ZFAND3: variants seen among roughly 807,000 people sequenced by gnomAD.
ZFAND3 encodes zinc finger AN1-type containing 3.
In ZFAND3, 10 loss-of-function variants were observed where a neutral mutation model predicts 29.6. That is an observed-to-expected ratio of 0.34 (90% CI 0.21 to 0.57). ZFAND3 has a LOEUF of 0.57. ZFAND3 is among the 20% of genes least tolerant of loss of function. The probability of loss-of-function intolerance (pLI) is 0.86; values close to 1 mark genes in which losing one functional copy is unlikely to be tolerated. For missense variants in ZFAND3, 230 were observed against 304.5 expected (o/e 0.76, Z 1.82); for synonymous variants, 128 against 112.6 (o/e 1.14, Z -0.87).
intron 2 of ZFAND3, among the ~76,000 whole-genome samples, chr6:37,942,035 T>C (rs1445799949): frequency 6.6e-6 from 1 of 152,182 alleles, no homozygotes; most frequent in African/African-American, 2.4e-5. Flanking sequence ...ATTTGTACAT[T>C]TCGATGCCGT....
chr6:38,001,258 C>T (rs1478108732), intron 2 of ZFAND3, among the ~76,000 whole-genome samples: 1 of 152,144 alleles, frequency 6.6e-6, no homozygotes, highest in Admixed American at 6.6e-5. Flanking sequence ...GAATAATAAT[C>T]CCCTAGAAAC....
At chr6:37,981,553 T>C (rs1301104936) in intron 2 of ZFAND3, among the ~76,000 whole-genome samples, 1 of 152,178 alleles carries the variant, frequency 6.6e-6, no homozygotes, top group Non-Finnish European at 1.5e-5. Context: ...GGGAGGATCA[T>C]GGAATTCTCA....
intron 2 of ZFAND3, among the ~76,000 whole-genome samples, chr6:37,944,270 C>T (rs918960374): frequency 3.9e-5 from 6 of 152,148 alleles, no homozygotes; most frequent in Admixed American, 2.0e-4. Flanking sequence ...TCCAAAAACA[C>T]TATCTGCATC....
chr6:38,004,360 T>G (rs1763005793), intron 2 of ZFAND3, among the ~76,000 whole-genome samples: 1 of 152,262 alleles, frequency 6.6e-6, no homozygotes, highest in East Asian at 1.9e-4. Context: ...GGTGATACCG[T>G]CAGTGTTCCT....
At position 37,837,066 on chromosome 6, in the gene ZFAND3, C is replaced by T. The variant is rs928359938; in HGVS notation, c.71+17050C>T. Among the ~76,000 whole-genome samples, 100 of 152,088 alleles carry T rather than the reference C, an allele frequency of 6.6e-4. 1 individual carries two copies. Among genetic ancestry groups the T allele is most frequent in the African/African-American group, 2.4e-3 (98 of 41,392 alleles). On this transcript the variant is annotated intron_variant, in intron 1 of 5. Coordinates refer to ENST00000287218, the MANE Select transcript of ZFAND3 (RefSeq NM_021943.3). ...AGATACTAATACTCAGATTCCATGTCTCTCCCCCTCCCCCGTATAGGTTGA... is the reference window on the plus strand; with the variant it reads ...AGATACTAATACTCAGATTCCATGTTTCTCCCCCTCCCCCGTATAGGTTGA...
intron 2 of ZFAND3, among the ~76,000 whole-genome samples, chr6:38,032,108 C>T (rs902040461): frequency 6.6e-6 from 1 of 152,102 alleles, no homozygotes. Context: ...TCTGGAATTA[C>T]AAGCGTGAGC....
At chr6:38,032,782 CT>C (rs2127452423) in intron 2 of ZFAND3, among the ~76,000 whole-genome samples, 1 of 152,292 alleles carries the variant, frequency 6.6e-6, no homozygotes, top group East Asian at 1.9e-4. Flanking sequence ...CATGTCTTAT[CT>C]TACCATGAAC....
At chr6:37,982,685 G>T (rs192311281) in intron 2 of ZFAND3, among the ~76,000 whole-genome samples, 127 of 152,280 alleles carry the variant, frequency 8.3e-4, no homozygotes, top group South Asian at 2.7e-3. Flanking sequence ...GACAAGAAAT[G>T]ACTATGTTAC....
intron 1 of ZFAND3, among the ~76,000 whole-genome samples, chr6:37,836,758 A>G (rs1763975573): frequency 6.6e-6 from 1 of 152,122 alleles, no homozygotes; most frequent in East Asian, 1.9e-4. Flanking sequence ...TTCTATTAAC[A>G]CTTCCAATAA....
chr6:37,825,243 A>G (rs2127364856), intron 1 of ZFAND3, among the ~76,000 whole-genome samples: 1 of 152,338 alleles, frequency 6.6e-6, no homozygotes, highest in Middle Eastern at 3.4e-3. Context: ...TGAACACAGT[A>G]TGAATTACTA....
intron 2 of ZFAND3, among the ~76,000 whole-genome samples, chr6:38,043,270 C>T (rs1251388283): frequency 2.6e-5 from 4 of 151,400 alleles, no homozygotes; most frequent in Non-Finnish European, 5.9e-5. Flanking sequence ...TGTGAGCCAC[C>T]ATGCCCAGCC....
At chr6:37,967,046 G>A (rs1386380985) in intron 2 of ZFAND3, among the ~76,000 whole-genome samples, 1 of 152,194 alleles carries the variant, frequency 6.6e-6, no homozygotes, top group African/African-American at 2.4e-5. Context: ...CAGTTTGACT[G>A]ATGACTAATG....
At chr6:38,043,450 C>G (rs1017359033) in intron 2 of ZFAND3, among the ~76,000 whole-genome samples, 1 of 149,254 alleles carries the variant, frequency 6.7e-6, no homozygotes, top group African/African-American at 2.5e-5. Flanking sequence ...ATCCCCTCCC[C>G]GTCTCTTCTC....
intron 4 of ZFAND3, among the ~76,000 whole-genome samples, chr6:38,103,372 A>G (rs1351236455): frequency 6.7e-6 from 1 of 149,236 alleles, no homozygotes; most frequent in Non-Finnish European, 1.5e-5. Context: ...ATATATACAC[A>G]CAATATATAT....
intron 1 of ZFAND3, among the ~76,000 whole-genome samples, chr6:37,839,073 T>TA (rs1223469737): frequency 6.6e-6 from 1 of 152,252 alleles, no homozygotes; most frequent in Non-Finnish European, 1.5e-5. Context: ...TTGAGTATCA[T>TA]TAAATATGCC....
At chr6:37,829,761 A>C (rs1027816203) in intron 1 of ZFAND3, among the ~76,000 whole-genome samples, 1 of 152,204 alleles carries the variant, frequency 6.6e-6, no homozygotes, top group African/African-American at 2.4e-5. Flanking sequence ...ATATGTGCTT[A>C]AAACCGTGCA....
At chr6:37,929,890 T>C (rs754225871) in intron 1 of ZFAND3, 69 bp from the exon 2 acceptor site, 447 of 1,451,762 alleles carry the variant, frequency 3.1e-4, no homozygotes, top group Non-Finnish European at 3.9e-4. Flanking sequence ...TTCTGACATC[T>C]TATGTTTTGA....
At position 38,154,038 on chromosome 6, in the gene ZFAND3, ACCCGCTGCAAAATC is replaced by A. The variant is rs1198566138; in HGVS notation, c.*1653_*1666del. ...CCCACCCTCCACCCACCAGAGTGGA[ACCCGCTGCAAAATC>A]CCCAGCCTTAATTCTTGCTTCAGGA... On this transcript the variant is annotated 3_prime_UTR_variant, in exon 6 of 6. Transcript: ENST00000287218. 1 of 985,404 alleles carries A rather than the reference ACCCGCTGCAAAATC, an allele frequency of 1.0e-6. No individual in the cohort carries two copies. The highest frequency in any genetic ancestry group is 1.1e-4 in the East Asian group (1 of 8,832). 61.0% of individuals were successfully genotyped at this position (985,404 alleles called of 1,614,324 possible).
intron 1 of ZFAND3, among the ~76,000 whole-genome samples, chr6:37,875,236 T>C (rs911578327): frequency 1.3e-5 from 2 of 152,176 alleles, no homozygotes; most frequent in African/African-American, 4.8e-5. Context: ...CAATTGGAGA[T>C]ATTTTTGGGA....
Sources: allele counts gnomAD v4.1 joint callset (sites outside exome capture counted in the v4.1 genomes callset), GRCh38; gene constraint gnomAD v4.1.1; transcripts MANE v1.5; gene names NCBI Gene and HGNC (gene_info 2026-07-23, HGNC 2026-07-21).